Variants in PGBD4 observed in about 807,000 individuals in gnomAD.
PGBD4 encodes the protein piggyBac transposable element-derived protein 4.
Under a neutral mutation model 0.3 loss-of-function variants are expected in PGBD4, and 1 was observed. The observed-to-expected ratio is 3.72, with a 90% confidence interval of 1.32 to 17.64. PGBD4 has a LOEUF of 17.64. Among genes scored for constraint, PGBD4 ranks in the 30% most tolerant of loss-of-function variants. The pLI is 0.11. For missense variants in PGBD4, 624 were observed against 719.7 expected, an observed-to-expected ratio of 0.87 and a Z score of 1.52; for synonymous variants, 253 against 267.7, an observed-to-expected ratio of 0.95 and a Z score of 0.54.
At position 34,103,617 on chromosome 15, in the gene PGBD4, A is replaced by C. The variant is rs565579190; in HGVS notation, c.1086A>C (p.Pro362=). The C allele has an allele frequency of 6.2e-7, 1 of 1,614,228 alleles. No homozygotes were observed. The highest frequency in any genetic ancestry group is 1.3e-5 in the African/African-American group (1 of 75,064). Residue 362 remains proline (P), a synonymous_variant, in exon 1 of 1, where the codon CCA becomes CCC. Transcript: ENST00000397766. The surrounding 1 kb of genome is among the most constrained non-coding windows in gnomAD (Gnocchi z 4.6). ...GTARLNRKQI[P]NDLKKRIAKG... The stretch of plus-strand genomic sequence containing the variant: ...CTCGTTTGAACAGAAAACAGATTCC[A>C]AATGATCTGAAAAAAAGGATTGCAA...
At position 34,102,797 on chromosome 15, in the gene PGBD4, C is replaced by T. The variant is rs1449254909; in HGVS notation, c.266C>T (p.Thr89Ile). Residue 89 changes from threonine (T) to isoleucine (I), a missense_variant, in exon 1 of 1, where the codon ACC (threonine) becomes ATC (isoleucine). By Grantham distance (89) the Thr-to-Ile change is moderately conservative. Coordinates refer to ENST00000397766, the MANE Select transcript of PGBD4 (RefSeq NM_152595.5). The surrounding 1 kb of genome is among the most constrained non-coding windows in gnomAD (Gnocchi z 4.7). The part of the protein sequence containing the change: ...AMIPRQRYDF[T>I]GTPGRKVDVS... ...ATTCCACGTCAAAGGTATGACTTTA[C>T]CGGCACACCTGGCAGAAAAGTCGAT... The T allele has an allele frequency of 1.2e-6, 2 of 1,614,156 alleles. No individual in the cohort carries two copies. The highest frequency in any genetic ancestry group is 2.7e-5 in the African/African-American group (2 of 75,048).
chr15:34,106,771 A>G lies in PGBD4; in HGVS notation c.*2482A>G, dbSNP rs1343745923. The G allele has an allele frequency of 6.6e-6, 1 of 151,884 alleles. No individual in the cohort carries two copies. Among genetic ancestry groups the G allele is most frequent in the Non-Finnish European group, 1.5e-5 (1 of 67,990 alleles). The allele number at this position is 151,884 out of a possible 1,614,324, so 9.4% of individuals were successfully genotyped here. ...CAGATAGTCAACTATCTACAGAAAA[A>G]TATATACATTAAAAATAAGGCCAGG... On this transcript the variant is annotated 3_prime_UTR_variant, in exon 1 of 1. Transcript: ENST00000397766.
In PGBD4 at chr15:34,104,494, T is replaced by C; in HGVS notation, c.*205T>C. ...GGCACATGCCTGTAATCCAAGCTACTTGGGAGGCTGAGGCAGGAGAATTGC... is the reference window on the plus strand; with the variant it reads ...GGCACATGCCTGTAATCCAAGCTACCTGGGAGGCTGAGGCAGGAGAATTGC... On this transcript the variant is annotated 3_prime_UTR_variant, in exon 1 of 1. Coordinates refer to ENST00000397766, the MANE Select transcript of PGBD4 (RefSeq NM_152595.5). 1 of 607,158 alleles carries C rather than the reference T, an allele frequency of 1.6e-6. No homozygotes were observed. The highest frequency in any genetic ancestry group is 2.2e-5 in the South Asian group (1 of 45,434). The allele number at this position is 607,158 out of a possible 1,614,324, so 37.6% of individuals were successfully genotyped here.
At position 34,104,272 on chromosome 15, in the gene PGBD4, A is replaced by C; in HGVS notation, c.1741A>C (p.Thr581Pro). 1 of 1,611,846 alleles carries C rather than the reference A, an allele frequency of 6.2e-7. No individual in the cohort carries two copies. Among genetic ancestry groups the C allele is most frequent in the Non-Finnish European group, 8.5e-7 (1 of 1,178,666 alleles). ...CVVPCFEIYH[T>P]KKNY is the part of the protein sequence containing the mutation. Reference sequence around the variant, plus strand: ...TGTTCCGTGCTTTGAAATTTACCACACGAAAAAAAATTATTAAATACCGAT... The same window carrying C: ...TGTTCCGTGCTTTGAAATTTACCACCCGAAAAAAAATTATTAAATACCGAT... Residue 581 changes from threonine to proline, a missense_variant, in exon 1 of 1, where the codon ACG (threonine) becomes CCG (proline). Coordinates refer to ENST00000397766, the MANE Select transcript of PGBD4 (RefSeq NM_152595.5).
Position 34,102,394 on chromosome 15 carries a change from GA to G in PGBD4, c.-135del. 1 of 1,350,024 alleles carries G rather than the reference GA, an allele frequency of 7.4e-7. No individual in the cohort carries two copies. The highest frequency in any genetic ancestry group is 9.7e-7 in the Non-Finnish European group (1 of 1,035,228). 83.6% of individuals were successfully genotyped at this position (1,350,024 alleles called of 1,614,324 possible). On this transcript the variant is annotated 5_prime_UTR_variant, in exon 1 of 1. It introduces an in-frame stop codon into an upstream open reading frame of the 5' UTR. Coordinates refer to ENST00000397766, the MANE Select transcript of PGBD4 (RefSeq NM_152595.5). This position sits in a 1 kb window ranked among gnomAD's most constrained non-coding sequence, Gnocchi z 4.7. ...CAACCTTACTCCCAAAGTTTGCCACGAAATATCTCGCTTCTGTTATTTTCGC... is the reference window on the plus strand; with the variant it reads ...CAACCTTACTCCCAAAGTTTGCCACGAATATCTCGCTTCTGTTATTTTCGC...
In PGBD4 at chr15:34,102,268, G is replaced by A. The variant is rs1901192319; in HGVS notation, c.-264G>A. ...ACGTATGAGATGAAAGGCTTCTTCT[G>A]TCTGTGTGCGTTTAACTCATTTCTC... On this transcript the variant is annotated 5_prime_UTR_variant, in exon 1 of 1. Coordinates refer to ENST00000397766, the MANE Select transcript of PGBD4 (RefSeq NM_152595.5). This position sits in a 1 kb window ranked among gnomAD's most constrained non-coding sequence, Gnocchi z 4.7. 2 of 516,224 alleles carry A rather than the reference G, an allele frequency of 3.9e-6. No homozygotes were observed. Among genetic ancestry groups the A allele is most frequent in the Non-Finnish European group, 6.7e-6 (2 of 299,134 alleles). The allele number at this position is 516,224 out of a possible 1,614,324, so 32.0% of individuals were successfully genotyped here. A position where few individuals can be genotyped will look rare whatever the true frequency, so the allele number is the denominator to read the frequency against.
At position 34,103,007 on chromosome 15, in the gene PGBD4, T is replaced by C; in HGVS notation, c.476T>C (p.Phe159Ser). 1 of 1,614,146 alleles carries C rather than the reference T, an allele frequency of 6.2e-7. No individual in the cohort carries two copies. Among genetic ancestry groups the C allele is most frequent in the Non-Finnish European group, 8.5e-7 (1 of 1,180,042 alleles). ...GACAATGACGAGCTCAAAGTCTTTTTTGCAGTAATGTTACTGCAAGGTATT... is the reference window on the plus strand; with the variant it reads ...GACAATGACGAGCTCAAAGTCTTTTCTGCAGTAATGTTACTGCAAGGTATT... ...DTDNDELKVF[F>S]AVMLLQGIVQ... Residue 159 changes from phenylalanine to serine, a missense_variant, in exon 1 of 1, where the codon TTT (phenylalanine) becomes TCT (serine). Transcript: ENST00000397766. The surrounding 1 kb of genome is among the most constrained non-coding windows in gnomAD (Gnocchi z 4.6).
Position 34,104,638 on chromosome 15 carries a change from TTTTTGTTTTG to T in PGBD4, c.*365_*374del, listed in dbSNP as rs536570432. 1.5e-5 allele frequency: 3 copies of T among 193,612 alleles called. No individual in the cohort carries two copies. The highest frequency in any genetic ancestry group is 2.4e-5 in the African/African-American group (1 of 42,490). The allele number at this position is 193,612 out of a possible 1,614,324, so 12.0% of individuals were successfully genotyped here. ...AATAACTCCAAGAACAGTTTTGTTGTTTTTGTTTTGTTTTGTTTTGTTTTGAGACGGAGTT... is the reference window on the plus strand; with the variant it reads ...AATAACTCCAAGAACAGTTTTGTTGTTTTTGTTTTGTTTTGAGACGGAGTT... On this transcript the variant is annotated 3_prime_UTR_variant, in exon 1 of 1. Coordinates refer to ENST00000397766, the MANE Select transcript of PGBD4 (RefSeq NM_152595.5).
rs1336409868 is a variant in PGBD4 at position 34,106,513 on chromosome 15, A to G, written c.*2224A>G. 2 of 151,958 alleles carry G rather than the reference A, an allele frequency of 1.3e-5. No individual in the cohort carries two copies. The highest frequency in any genetic ancestry group is 6.6e-5 in the Admixed American group (1 of 15,224). 9.4% of individuals were successfully genotyped at this position (151,958 alleles called of 1,614,324 possible). On this transcript the variant is annotated 3_prime_UTR_variant, in exon 1 of 1. Transcript: ENST00000397766. ...TCTGGTGTGGGGTCTTCCTTACAGC[A>G]GCAAGCTCATAAACTTAACTTGACC...
rs752142121 is a variant in PGBD4, at chr15:34,108,303, T to A, written c.*4014T>A. 1 of 152,226 alleles carries A rather than the reference T, an allele frequency of 6.6e-6. No individual in the cohort carries two copies. Among genetic ancestry groups the A allele is most frequent in the Non-Finnish European group, 1.5e-5 (1 of 68,050 alleles). The allele number at this position is 152,226 out of a possible 1,614,324, so 9.4% of individuals were successfully genotyped here. ...AATCCATCTTCTGCCATATGGTGAATTAAATCTAAGTTGTATTGTAGGATT... is the reference window on the plus strand; with the variant it reads ...AATCCATCTTCTGCCATATGGTGAAATAAATCTAAGTTGTATTGTAGGATT... On this transcript the variant is annotated 3_prime_UTR_variant, in exon 1 of 1. Coordinates refer to ENST00000397766, the MANE Select transcript of PGBD4 (RefSeq NM_152595.5).
Position 34,105,337 on chromosome 15 carries a change from T to C in PGBD4, c.*1048T>C, listed in dbSNP as rs1264316749. On this transcript the variant is annotated 3_prime_UTR_variant, in exon 1 of 1. Transcript: ENST00000397766. Reference sequence around the variant, plus strand: ...TCCAGTCCTTTCATTTTCTTTATGGTGGAAAGTGAAGTGACTTGCCCAAGA... The same window carrying C: ...TCCAGTCCTTTCATTTTCTTTATGGCGGAAAGTGAAGTGACTTGCCCAAGA... The C allele has an allele frequency of 6.0e-6, 1 of 167,124 alleles. No individual in the cohort carries two copies. Among genetic ancestry groups the C allele is most frequent in the Non-Finnish European group, 1.5e-5 (1 of 68,140 alleles). 10.4% of individuals were successfully genotyped at this position (167,124 alleles called of 1,614,324 possible).
chr15:34,104,307 C>T lies in PGBD4; in HGVS notation c.*18C>T. ...ATTATTAAATACCGATCATCATACA[C>T]ATCTGTTCCATTAGGATTAGAGACA... is the stretch of plus-strand genomic sequence containing the variant. On this transcript the variant is annotated 3_prime_UTR_variant, in exon 1 of 1. Transcript: ENST00000397766. The T allele has an allele frequency of 6.3e-7, 1 of 1,592,594 alleles. No individual in the cohort carries two copies. The highest frequency in any genetic ancestry group is 8.6e-7 in the Non-Finnish European group (1 of 1,168,100).
chr15:34,106,586 G>GTACAATATTCAAAAGGCACATGA lies in PGBD4; in HGVS notation c.*2319_*2320insATACAATATTCAAAAGGCACATG, dbSNP rs1887765705. 1.3e-5 allele frequency: 2 copies of GTACAATATTCAAAAGGCACATGA among 149,884 alleles called. No individual in the cohort carries two copies. Among genetic ancestry groups the GTACAATATTCAAAAGGCACATGA allele is most frequent in the African/African-American group, 5.0e-5 (2 of 40,076 alleles). The allele number at this position is 149,884 out of a possible 1,614,324, so 9.3% of individuals were successfully genotyped here. On this transcript the variant is annotated 3_prime_UTR_variant, in exon 1 of 1. Transcript: ENST00000397766. ...TTTATCTGATAGACTTTGTCACATG[G>GTACAATATTCAAAAGGCACATGA]TACAATATTCAAAAGGCACATGGTA... is the stretch of plus-strand genomic sequence containing the variant.
At position 34,104,260 on chromosome 15, in the gene PGBD4, G is replaced by A; in HGVS notation, c.1729G>A (p.Glu577Lys). 1 of 1,612,620 alleles carries A rather than the reference G, an allele frequency of 6.2e-7. No homozygotes were observed. The highest frequency in any genetic ancestry group is 8.5e-7 in the Non-Finnish European group (1 of 1,179,340). ...DVPLCVVPCF[E>K]IYHTKKNY is the part of the protein sequence containing the mutation. ...TCCGCTTTGTGTTGTTCCGTGCTTT[G>A]AAATTTACCACACGAAAAAAAATTA... The change falls in exon 1 of 1, where the codon GAA becomes AAA. Residue 577 changes from glutamate to lysine, a missense_variant. Coordinates refer to ENST00000397766, the MANE Select transcript of PGBD4 (RefSeq NM_152595.5).
chr15:34,103,358 A>C lies in PGBD4; in HGVS notation c.827A>C (p.Lys276Thr), dbSNP rs1597408392. Residue 276 changes from lysine (K) to threonine (T), a missense_variant, in exon 1 of 1, where the codon AAG (lysine) becomes ACG (threonine). Coordinates refer to ENST00000397766, the MANE Select transcript of PGBD4 (RefSeq NM_152595.5). The surrounding 1 kb of genome is among the most constrained non-coding windows in gnomAD (Gnocchi z 4.6). ...ACAAAACGAGTACGATTTGGTCTGA[A>C]GCTATATGTACTTTGTGAAAGTCAG... Reference protein sequence around the residue: ...LPTKRVRFGLKLYVLCESQSG... With the variant: ...LPTKRVRFGLTLYVLCESQSG... The C allele has an allele frequency of 1.2e-6, 2 of 1,614,224 alleles. No individual in the cohort carries two copies. Among genetic ancestry groups the C allele is most frequent in the East Asian group, 4.5e-5 (2 of 44,888 alleles).
rs962045032 is a variant in PGBD4 at position 34,102,297 on chromosome 15, A to C, written c.-235A>C. On this transcript the variant is annotated 5_prime_UTR_variant, in exon 1 of 1. Coordinates refer to ENST00000397766, the MANE Select transcript of PGBD4 (RefSeq NM_152595.5). The surrounding 1 kb of genome is among the most constrained non-coding windows in gnomAD (Gnocchi z 4.7). ...GTGTGCGTTTAACTCATTTCTCCTT[A>C]GCCCCGAGATTACGCGCTGCTGTGC... 4.9e-5 allele frequency: 28 copies of C among 575,546 alleles called. No individual in the cohort carries two copies. In the Admixed American group the frequency reaches 5.4e-4, roughly 11 times the overall value. 35.7% of individuals were successfully genotyped at this position (575,546 alleles called of 1,614,324 possible). A position where few individuals can be genotyped will look rare whatever the true frequency, so the allele number is the denominator to read the frequency against.
chr15:34,102,217 CA>C lies in PGBD4; in HGVS notation c.-309del. ...GAAACACCATCCAGAAGAGACCTTT[CA>C]AAAAACTTCTAGAGACTCCCCAAGA... On this transcript the variant is annotated 5_prime_UTR_variant, in exon 1 of 1. An upstream open reading frame in the 5' UTR loses its in-frame stop. Coordinates refer to ENST00000397766, the MANE Select transcript of PGBD4 (RefSeq NM_152595.5). The surrounding 1 kb of genome is among the most constrained non-coding windows in gnomAD (Gnocchi z 4.7). The C allele has an allele frequency of 2.3e-6, 1 of 442,296 alleles. No individual in the cohort carries two copies. Among genetic ancestry groups the C allele is most frequent in the Non-Finnish European group, 4.0e-6 (1 of 252,068 alleles). The allele number at this position is 442,296 out of a possible 1,614,324, so 27.4% of individuals were successfully genotyped here. A position where few individuals can be genotyped will look rare whatever the true frequency, so the allele number is the denominator to read the frequency against.
chr15:34,102,732 T>A lies in PGBD4; in HGVS notation c.201T>A (p.Ser67Arg). Residue 67 changes from serine to arginine, a missense_variant, in exon 1 of 1, where the codon AGT (serine) becomes AGA (arginine). By Grantham distance (110) the Ser-to-Arg change is moderately radical. Transcript: ENST00000397766. The surrounding 1 kb of genome is among the most constrained non-coding windows in gnomAD (Gnocchi z 4.7). The stretch of plus-strand genomic sequence containing the variant: ...CTGATGGAAAGAGCTCTACATCAAG[T>A]GACTCAGGGCGCTCCATGAAATGGT... Reference protein sequence around the residue: ...LESDGKSSTSSDSGRSMKWSA... With the variant: ...LESDGKSSTSRDSGRSMKWSA... The A allele has an allele frequency of 6.2e-7, 1 of 1,614,182 alleles. No homozygotes were observed. Among genetic ancestry groups the A allele is most frequent in the Non-Finnish European group, 8.5e-7 (1 of 1,180,040 alleles).
At position 34,103,989 on chromosome 15, in the gene PGBD4, A is replaced by C; in HGVS notation, c.1458A>C (p.Arg486Ser). The change falls in exon 1 of 1, where the codon AGA becomes AGC. Residue 486 changes from arginine to serine, a missense_variant. Arg to Ser is a moderately radical substitution (Grantham distance 110). Transcript: ENST00000397766. This position sits in a 1 kb window ranked among gnomAD's most constrained non-coding sequence, Gnocchi z 4.6. ...ACACGATGAGCCATATAAACTTCAG[A>C]CTGGCATTGATTGAAAGAATGCTGG... ...PEHTMSHINF[R>S]LALIERMLEK... 1.2e-6 allele frequency: 2 copies of C among 1,614,170 alleles called. No homozygotes were observed. Among genetic ancestry groups the C allele is most frequent in the Non-Finnish European group, 8.5e-7 (1 of 1,180,030 alleles).
Sources: allele counts gnomAD v4.1 joint callset, GRCh38; gene constraint gnomAD v4.1.1; non-coding constraint Gnocchi (gnomAD v3.1); transcripts MANE v1.5; gene names NCBI Gene and HGNC (gene_info 2026-07-23, HGNC 2026-07-21).